Variants in VEGFA observed in about 807,000 individuals in gnomAD.
VEGFA encodes vascular endothelial growth factor A.
A neutral mutation model predicts 49.7 loss-of-function variants in VEGFA; 20 were observed. The ratio of observed to expected loss-of-function variants is 0.40; its 90% confidence interval spans 0.28 to 0.58. The LOEUF is 0.58. VEGFA is among the 20% of genes least tolerant of loss of function. The pLI is 0.40. For synonymous variants in VEGFA, 219 were observed against 223.4 expected (o/e 0.98, Z 0.18); for missense variants, 505 against 553.5 (o/e 0.91, Z 0.88).
chr6:43,770,676 C>T lies in VEGFA; in HGVS notation c.-31C>T. On this transcript the variant is annotated 5_prime_UTR_variant, in exon 1 of 8. Coordinates refer to ENST00000672860, the MANE Select transcript of VEGFA (RefSeq NM_003376.6). ...CCGCCGGAGCGCGGCGTGAGCCCTC[C>T]CCCTTGGGATCCCGCAGCTGACCAG... The T allele has an allele frequency of 1.3e-6, 2 of 1,535,772 alleles. No homozygotes were observed. The highest frequency in any genetic ancestry group is 1.7e-6 in the Non-Finnish European group (2 of 1,153,658).
chr6:43,779,221 T>A (rs1766496648), intron 5 of VEGFA: 7 of 527,894 alleles, frequency 1.3e-5, no homozygotes, highest in East Asian at 6.7e-5. Context: ...CTGTGGACAC[T>A]GGCTCACTGG....
Position 43,782,015 on chromosome 6 carries a change from G to C in VEGFA, c.1094G>C (p.Cys365Ser). ...TTGTTTGTACAAGATCCGCAGACGTGTAAATGTTCCTGCAAAAACACAGAC... is the reference window on the plus strand; with the variant it reads ...TTGTTTGTACAAGATCCGCAGACGTCTAAATGTTCCTGCAAAAACACAGAC... The change falls in exon 7 of 8, where the codon TGT (cysteine) becomes TCT (serine). Residue 365 changes from cysteine to serine, a missense_variant. Cys to Ser is a moderately radical substitution (Grantham distance 112). Transcript: ENST00000672860. The C allele has an allele frequency of 6.2e-7, 1 of 1,614,172 alleles. No individual in the cohort carries two copies. The highest frequency in any genetic ancestry group is 8.5e-7 in the Non-Finnish European group (1 of 1,180,028).
At chr6:43,774,543 T>C in intron 2 of VEGFA, 151 bp downstream of exon 2, 1 of 923,672 alleles carries the variant, frequency 1.1e-6, no homozygotes, top group Non-Finnish European at 1.7e-6. Flanking sequence ...ACCACGAGGT[T>C]CACCCTCAGT....
rs1768072843 is a variant in VEGFA, at chr6:43,782,234, G to C, written c.1166+147G>C. On this transcript the variant is annotated intron_variant, in intron 7 of 7. Transcript: ENST00000672860. ...CTCAGTTTCTAGCTGCCTGCCTGGT[G>C]ACTGCTGCCTTCTCTGCTTTTAAGG... 7 of 1,218,524 alleles carry C rather than the reference G, an allele frequency of 5.7e-6. No homozygotes were observed. In the South Asian group the frequency reaches 7.8e-5, roughly 13 times the overall value. 75.5% of individuals were successfully genotyped at this position (1,218,524 alleles called of 1,614,324 possible).
rs1582510412 is a variant in VEGFA, at chr6:43,779,581, T to TGA, written c.962+671_962+672dup. ...CAAGAGCTTGCAGGGAAAGAGAGAC[T>TGA]GAGAGAGAGCACCTGTGCCCTGCCC... On this transcript the variant is annotated intron_variant, in intron 5 of 7. Transcript: ENST00000672860. The TGA allele has an allele frequency of 7.3e-6, 3 of 408,406 alleles. No individual in the cohort carries two copies. The Admixed American group carries it at 8.2e-5, about 11-fold the overall frequency. 25.3% of individuals were successfully genotyped at this position (408,406 alleles called of 1,614,324 possible). A position where few individuals can be genotyped will look rare whatever the true frequency, so the allele number is the denominator to read the frequency against.
chr6:43,780,580 C>A, intron 5 of VEGFA, 152 bp from the exon 6 acceptor site: 1 of 1,141,994 alleles, frequency 8.8e-7, no homozygotes, highest in South Asian at 1.4e-5. Context: ...CGCATGCCTC[C>A]CCAGAGACCA....
rs770159663 is a variant in VEGFA at position 43,773,924 on chromosome 6, T to G, written c.607-417T>G. ...ACCATGTTGTTTTTCTCGCCCCTAGTCCTTCCTTCCTGCCCCAGTCCAAAT... is the reference window on the plus strand; with the variant it reads ...ACCATGTTGTTTTTCTCGCCCCTAGGCCTTCCTTCCTGCCCCAGTCCAAAT... On this transcript the variant is annotated intron_variant, in intron 1 of 7. Coordinates refer to ENST00000672860, the MANE Select transcript of VEGFA (RefSeq NM_003376.6). This position sits in a 1 kb window ranked among gnomAD's most constrained non-coding sequence, Gnocchi z 5.6. The G allele has an allele frequency of 2.9e-5, 7 of 241,296 alleles. No individual in the cohort carries two copies. The highest frequency in any genetic ancestry group is 6.0e-5 in the Non-Finnish European group (7 of 117,482). The allele number at this position is 241,296 out of a possible 1,614,324, so 14.9% of individuals were successfully genotyped here. A position where few individuals can be genotyped will look rare whatever the true frequency, so the allele number is the denominator to read the frequency against.
In VEGFA at chr6:43,771,290, T is replaced by A; in HGVS notation, c.584T>A (p.Leu195Gln). 6.2e-7 allele frequency: 1 copy of A among 1,606,036 alleles called. No homozygotes were observed. Among genetic ancestry groups the A allele is most frequent in the Non-Finnish European group, 8.5e-7 (1 of 1,177,084 alleles). ...TGGGTGCATTGGAGCCTTGCCTTGC[T>A]GCTCTACCTCCACCATGCCAAGGTA... The change falls in exon 1 of 8, where the codon CTG becomes CAG. Residue 195 changes from leucine (L) to glutamine (Q), a missense_variant. By Grantham distance (113) the Leu-to-Gln change is moderately radical. Coordinates refer to ENST00000672860, the MANE Select transcript of VEGFA (RefSeq NM_003376.6).
chr6:43,778,738 T>TATATATG, intron 4 of VEGFA, 151 bp from the exon 5 acceptor site: 2 of 1,028,720 alleles, frequency 1.9e-6, no homozygotes, highest in Non-Finnish European at 3.0e-6. Context: ...TTATAATGAT[T>TATATATG]AAACAAGTTA....
At position 43,777,409 on chromosome 6, in the gene VEGFA, G is replaced by A; in HGVS notation, c.659-60G>A. On this transcript the variant is annotated intron_variant, in intron 2 of 7. Coordinates refer to ENST00000672860, the MANE Select transcript of VEGFA (RefSeq NM_003376.6). The surrounding 1 kb of genome is among the most constrained non-coding windows in gnomAD (Gnocchi z 4.3). ...GTGGCATTACAGAGCTGGGTGGAGA[G>A]AGGGGCTAGCCATCTTTTGTGTCGC... 1 of 1,598,032 alleles carries A rather than the reference G, an allele frequency of 6.3e-7. No homozygotes were observed. The highest frequency in any genetic ancestry group is 8.6e-7 in the Non-Finnish European group (1 of 1,168,650).
intron 1 of VEGFA, chr6:43,772,108 C>G: frequency 1.0e-6 from 1 of 982,108 alleles, no homozygotes; most frequent in Non-Finnish European, 1.2e-6. Context: ...CGAGGTAGCC[C>G]CAGCCCGGGG....
Position 43,770,859 on chromosome 6 carries a change from A to G in VEGFA, c.153A>G (p.Ala51=), listed in dbSNP as rs1408542244. Reference sequence around the variant, plus strand: ...AGGGGGTCGGGGCTCGCGGCGTCGCACTGAAACTTTTCGTCCAACTTCTGG... The same window carrying G: ...AGGGGGTCGGGGCTCGCGGCGTCGCGCTGAAACTTTTCGTCCAACTTCTGG... Residue 51 remains alanine, a synonymous_variant, in exon 1 of 8, where the codon GCA becomes GCG. Coordinates refer to ENST00000672860, the MANE Select transcript of VEGFA (RefSeq NM_003376.6). 6.5e-7 allele frequency: 1 copy of G among 1,537,908 alleles called. No homozygotes were observed. The highest frequency in any genetic ancestry group is 8.7e-7 in the Non-Finnish European group (1 of 1,143,122).
chr6:43,782,037 A>G lies in VEGFA; in HGVS notation c.1116A>G (p.Thr372=), dbSNP rs762608999. The G allele has an allele frequency of 6.2e-7, 1 of 1,614,186 alleles. No individual in the cohort carries two copies. Among genetic ancestry groups the G allele is most frequent in the South Asian group, 1.1e-5 (1 of 91,084 alleles). Residue 372 remains threonine (T), a synonymous_variant, in exon 7 of 8, where the codon ACA becomes ACG. Coordinates refer to ENST00000672860, the MANE Select transcript of VEGFA (RefSeq NM_003376.6). ...CGTGTAAATGTTCCTGCAAAAACACAGACTCGCGTTGCAAGGCGAGGCAGC... is the reference window on the plus strand; with the variant it reads ...CGTGTAAATGTTCCTGCAAAAACACGGACTCGCGTTGCAAGGCGAGGCAGC...
At chr6:43,781,107 C>T (rs561069485) in intron 6 of VEGFA, 10 of 604,876 alleles carry the variant, frequency 1.7e-5, no homozygotes, top group Admixed American at 5.8e-5. Flanking sequence ...GCACTGGTGG[C>T]GGGCCCATGT....
In VEGFA at chr6:43,771,095, C is replaced by T. The variant is rs1323880331; in HGVS notation, c.389C>T (p.Ala130Val). 2.3e-5 allele frequency: 34 copies of T among 1,471,310 alleles called. No homozygotes were observed. The Admixed American group carries it at 6.4e-4, about 28-fold the overall frequency. The allele number at this position is 1,471,310 out of a possible 1,614,324, so 91.1% of individuals were successfully genotyped here. A position where few individuals can be genotyped will look rare whatever the true frequency, so the allele number is the denominator to read the frequency against. Residue 130 changes from alanine (A) to valine (V), a missense_variant, in exon 1 of 8, where the codon GCT (alanine) becomes GTT (valine). Coordinates refer to ENST00000672860, the MANE Select transcript of VEGFA (RefSeq NM_003376.6). ...GAGGCGGCGGTGTGCGCAGACAGTGCTCCAGCCGCGCGCGCTCCCCAGGCC... is the reference window on the plus strand; with the variant it reads ...GAGGCGGCGGTGTGCGCAGACAGTGTTCCAGCCGCGCGCGCTCCCCAGGCC...
rs778741805 is a variant in VEGFA, at chr6:43,778,553, G to A, written c.932+17G>A. The A allele has an allele frequency of 6.2e-6, 10 of 1,611,624 alleles. No homozygotes were observed. The highest frequency in any genetic ancestry group is 3.3e-5 in the South Asian group (3 of 91,024). ...TGAATGCAGGTGAGGATGTAGTCAC[G>A]GATTCATTATCAGCAAGTGGCTGCA... is the stretch of plus-strand genomic sequence containing the variant. On this transcript the variant is annotated intron_variant, in intron 4 of 7. Coordinates refer to ENST00000672860, the MANE Select transcript of VEGFA (RefSeq NM_003376.6).
intron 5 of VEGFA, chr6:43,779,656 C>T (rs1041361561): frequency 2.6e-5 from 12 of 464,090 alleles, no homozygotes; most frequent in Non-Finnish European, 4.3e-5. Context: ...GACATTGAAG[C>T]CCCCACCAGG....
intron 5 of VEGFA, 80 bp from the exon 6 acceptor site, chr6:43,780,652 C>T (rs950638756): frequency 6.4e-7 from 1 of 1,571,062 alleles, no homozygotes; most frequent in South Asian, 1.1e-5. Context: ...GTCGTTCCCC[C>T]ATCCCTGCCC....
intron 7 of VEGFA, chr6:43,784,073 G>A (rs1375293531): frequency 2.3e-5 from 5 of 221,552 alleles, no homozygotes; most frequent in South Asian, 1.4e-4. Context: ...TGCCTCAGGC[G>A]TTCTCCCAGA....
Sources: gnomAD v4.1 joint callset for allele counts on GRCh38, gnomAD v4.1.1 for gene constraint, Gnocchi (gnomAD v3.1) non-coding constraint, MANE v1.5 for transcripts, NCBI Gene and HGNC (gene_info 2026-07-23, HGNC 2026-07-21) for gene names.